LEP: variants seen among roughly 807,000 people sequenced by gnomAD.
LEP encodes leptin (murine obesity homolog).
LEP carries 6 observed loss-of-function variants against 9.8 expected under a neutral mutation model. That is an observed-to-expected ratio of 0.61 (90% CI 0.34 to 1.21). The LOEUF is 1.21. Ranked by LOEUF, LEP falls within the 50% of genes most tolerant of loss-of-function variation. The probability of loss-of-function intolerance (pLI) is 0.04; values close to 1 mark genes in which losing one functional copy is unlikely to be tolerated. For missense variants in LEP, 134 were observed against 198.1 expected (o/e 0.68, Z 1.94); for synonymous variants, 112 against 81.7 (o/e 1.37, Z -2.00).
chr7:128,248,184 A>T (rs1189018601), intron 1 of LEP, among the ~76,000 whole-genome samples: 3 of 152,150 alleles, frequency 2.0e-5, no homozygotes, highest in Non-Finnish European at 4.4e-5. Context: ...TAATCCCAGC[A>T]CTTTGGGAGG....
At chr7:128,249,788 G>T (rs955147187) in intron 1 of LEP, among the ~76,000 whole-genome samples, 1 of 152,140 alleles carries the variant, frequency 6.6e-6, no homozygotes, top group Non-Finnish European at 1.5e-5. Flanking sequence ...GAGCACTTTG[G>T]TCTCAGATGG....
In LEP at chr7:128,255,372, C is replaced by A. The variant is rs1302802745; in HGVS notation, c.*609C>A. 1 of 155,794 alleles carries A rather than the reference C, an allele frequency of 6.4e-6. No homozygotes were observed. The highest frequency in any genetic ancestry group is 1.9e-4 in the East Asian group (1 of 5,284). The allele number at this position is 155,794 out of a possible 1,614,324, so 9.7% of individuals were successfully genotyped here. On this transcript the variant is annotated 3_prime_UTR_variant, in exon 3 of 3. Coordinates refer to ENST00000308868, the MANE Select transcript of LEP (RefSeq NM_000230.3). ...GCAGTTTCCAATCCCATAGATGGGT[C>A]TGGCTGAGCTGAACCCATTTTGAGT...
chr7:128,256,132 G>T lies in LEP; in HGVS notation c.*1369G>T, dbSNP rs1482418354. The T allele has an allele frequency of 6.6e-6, 1 of 152,172 alleles. No homozygotes were observed. The highest frequency in any genetic ancestry group is 1.9e-4 in the East Asian group (1 of 5,194). 9.4% of individuals were successfully genotyped at this position (152,172 alleles called of 1,614,324 possible). On this transcript the variant is annotated 3_prime_UTR_variant, in exon 3 of 3. Coordinates refer to ENST00000308868, the MANE Select transcript of LEP (RefSeq NM_000230.3). ...CAAGGCCAAAATTACCAAAAATCTT[G>T]GGGGGTTTTTACTCCAGTGGTGAAG...
intron 1 of LEP, among the ~76,000 whole-genome samples, chr7:128,247,875 G>C (rs957276983): frequency 2.0e-5 from 3 of 152,140 alleles, no homozygotes; most frequent in African/African-American, 7.2e-5. Context: ...ACTTTCCTAG[G>C]GCCCTGTGCT....
chr7:128,252,204 C>T (rs200487172), intron 2 of LEP, 42 bp downstream of exon 2: 15 of 1,606,222 alleles, frequency 9.3e-6, no homozygotes, highest in Non-Finnish European at 1.2e-5. Context: ...TGCAGCCAGC[C>T]CAGCACTGGC....
At position 128,257,348 on chromosome 7, in the gene LEP, A is replaced by G. The variant is rs1584609798; in HGVS notation, c.*2585A>G. On this transcript the variant is annotated 3_prime_UTR_variant, in exon 3 of 3. Transcript: ENST00000308868. ...CACTTTGGGAGGCCAAGGTGGGGGG[A>G]TCACAAGGTCACTAGATGGCGAGCA... 6.6e-6 allele frequency: 1 copy of G among 150,946 alleles called. No homozygotes were observed. The highest frequency in any genetic ancestry group is 2.4e-5 in the African/African-American group (1 of 41,002). 9.4% of individuals were successfully genotyped at this position (150,946 alleles called of 1,614,324 possible). A position where few individuals can be genotyped will look rare whatever the true frequency, so the allele number is the denominator to read the frequency against.
At chr7:128,248,031 G>A (rs1307235518) in intron 1 of LEP, among the ~76,000 whole-genome samples, 5 of 152,172 alleles carry the variant, frequency 3.3e-5, no homozygotes, top group Admixed American at 6.5e-5. Context: ...GGTGGCTCAC[G>A]CCTGTAATCT....
At chr7:128,246,269 G>A (rs2116210499) in intron 1 of LEP, among the ~76,000 whole-genome samples, 1 of 152,016 alleles carries the variant, frequency 6.6e-6, no homozygotes, top group Admixed American at 6.5e-5. Context: ...GGTGGAGGGT[G>A]GGGTGCGGGC....
intron 2 of LEP, among the ~76,000 whole-genome samples, chr7:128,252,516 G>C (rs1228480364): frequency 3.9e-5 from 6 of 152,170 alleles, no homozygotes; most frequent in Admixed American, 3.9e-4. Context: ...GATCATTCGA[G>C]CCCAAGAGTT....
At chr7:128,245,449 G>A (rs1461795844) in intron 1 of LEP, among the ~76,000 whole-genome samples, 2 of 152,184 alleles carry the variant, frequency 1.3e-5, no homozygotes, top group East Asian at 1.9e-4. Context: ...CTTGGAGAAC[G>A]AAGATCCAAA....
chr7:128,249,453 A>T (rs1391490920), intron 1 of LEP, among the ~76,000 whole-genome samples: 1 of 152,216 alleles, frequency 6.6e-6, no homozygotes, highest in Non-Finnish European at 1.5e-5. Flanking sequence ...GAATGGAGCA[A>T]GGGATGAAAA....
rs1261472957 is a variant in LEP, at chr7:128,248,905, T to C, written c.-28-3086T>C. On this transcript the variant is annotated intron_variant, in intron 1 of 2. Coordinates refer to ENST00000308868, the MANE Select transcript of LEP (RefSeq NM_000230.3). Reference sequence around the variant, plus strand: ...TTAGCCACCAACCATCAAACCTATATTGAGTAATTATGGTATGTCAGGCAC... The same window carrying C: ...TTAGCCACCAACCATCAAACCTATACTGAGTAATTATGGTATGTCAGGCAC... Among the ~76,000 whole-genome samples the C allele has an allele frequency of 5.3e-5, 8 of 152,226 alleles. 1 individual carries two copies.
intron 2 of LEP, 76 bp downstream of exon 2, chr7:128,252,238 A>G: frequency 6.6e-7 from 1 of 1,524,684 alleles, no homozygotes; most frequent in Non-Finnish European, 9.1e-7. Context: ...GGACCCAGAT[A>G]GTCCAAGAAA....
intron 1 of LEP, among the ~76,000 whole-genome samples, chr7:128,242,047 C>G (rs1029493295): frequency 1.3e-5 from 2 of 152,224 alleles, no homozygotes; most frequent in African/African-American, 4.8e-5. Flanking sequence ...TCACCTATAG[C>G]CTTCCTTCAG....
chr7:128,254,802 G>A lies in LEP; in HGVS notation c.*39G>A, dbSNP rs950116769. 6.3e-7 allele frequency: 1 copy of A among 1,598,312 alleles called. No individual in the cohort carries two copies. The highest frequency in any genetic ancestry group is 1.3e-5 in the African/African-American group (1 of 74,958). ...ACTCTTCCTGCAAGGACTACGTTAA[G>A]GGAAGGAACTCTGGCTTCCAGGTAT... is the stretch of plus-strand genomic sequence containing the variant. On this transcript the variant is annotated 3_prime_UTR_variant, in exon 3 of 3. Coordinates refer to ENST00000308868, the MANE Select transcript of LEP (RefSeq NM_000230.3).
chr7:128,245,407 A>G (rs1795199558), intron 1 of LEP, among the ~76,000 whole-genome samples: 1 of 152,198 alleles, frequency 6.6e-6, no homozygotes, highest in Non-Finnish European at 1.5e-5. Flanking sequence ...GAGTTGTTCA[A>G]GGTCCTGTCT....
chr7:128,241,680 G>C (rs1795153483), intron 1 of LEP, among the ~76,000 whole-genome samples: 1 of 152,210 alleles, frequency 6.6e-6, no homozygotes, highest in Non-Finnish European at 1.5e-5. Flanking sequence ...AGATAAAGTT[G>C]GGGGTAGGAG....
At chr7:128,249,155 T>G (rs1042214363) in intron 1 of LEP, among the ~76,000 whole-genome samples, 41 of 152,330 alleles carry the variant, frequency 2.7e-4, no homozygotes, top group African/African-American at 9.6e-4. Context: ...GAAGACTTAA[T>G]GCCCACTCTT....
intron 1 of LEP, among the ~76,000 whole-genome samples, chr7:128,245,163 C>T (rs951836461): frequency 2.6e-5 from 4 of 152,168 alleles, no homozygotes; most frequent in African/African-American, 9.7e-5. Context: ...ACACACTCCA[C>T]CCCTCTACCA....
Sources: allele counts gnomAD v4.1 joint callset (sites outside exome capture counted in the v4.1 genomes callset), GRCh38; gene constraint gnomAD v4.1.1; transcripts MANE v1.5; gene names NCBI Gene and HGNC (gene_info 2026-07-23, HGNC 2026-07-21).